Variants in CRPPA observed in about 807,000 individuals in gnomAD.
CRPPA encodes D-ribitol-5-phosphate cytidylyltransferase.
A neutral mutation model predicts 52.0 loss-of-function variants in CRPPA; 43 were observed. That is an observed-to-expected ratio of 0.83 (90% CI 0.65 to 1.07). The LOEUF (loss-of-function observed/expected upper bound fraction) is 1.07. Ranked by LOEUF, CRPPA falls within the 50% of genes least tolerant of loss-of-function variation. CRPPA has a pLI of 0.00. For synonymous variants in CRPPA, 250 were observed against 203.5 expected, an observed-to-expected ratio of 1.23 and a Z score of -1.94; for missense variants, 629 against 551.7, an observed-to-expected ratio of 1.14 and a Z score of -1.40.
intron 9 of CRPPA, among the ~76,000 whole-genome samples, chr7:16,190,630 C>T (rs540749473): frequency 7.2e-5 from 11 of 151,926 alleles, no homozygotes; most frequent in Admixed American, 6.6e-4. Flanking sequence ...AATTTTTTTT[C>T]AATAGATTTT....
At chr7:16,341,624 G>C (rs774345906) in intron 3 of CRPPA, among the ~76,000 whole-genome samples, 1 of 152,048 alleles carries the variant, frequency 6.6e-6, no homozygotes, top group Non-Finnish European at 1.5e-5. Flanking sequence ...ATATTAGGTG[G>C]GGAAATGCTA....
At chr7:16,107,682 AT>A (rs1782184663) in intron 9 of CRPPA, among the ~76,000 whole-genome samples, 1 of 152,136 alleles carries the variant, frequency 6.6e-6, no homozygotes, top group Non-Finnish European at 1.5e-5. Context: ...AGCAAAAAAA[AT>A]CAATTGTATA....
rs560282668 is a variant in CRPPA, at chr7:16,258,510, T to C, written c.1027-28A>G. ...AAAAGACCAGAAAAATAAAAGGATATGAGAAGACGTTTTTAAATGACTTAA... is the reference window on the plus strand; with the variant it reads ...AAAAGACCAGAAAAATAAAAGGATACGAGAAGACGTTTTTAAATGACTTAA... On this transcript the variant is annotated intron_variant, in intron 7 of 9. Transcript: ENST00000407010. 1.3e-5 allele frequency: 18 copies of C among 1,367,876 alleles called. No individual in the cohort carries two copies. The East Asian group carries it at 1.6e-4, about 13-fold the overall frequency. The allele number at this position is 1,367,876 out of a possible 1,614,324, so 84.7% of individuals were successfully genotyped here.
chr7:16,272,086 A>G (rs1182993386), intron 6 of CRPPA, among the ~76,000 whole-genome samples: 1 of 152,180 alleles, frequency 6.6e-6, no homozygotes, highest in Non-Finnish European at 1.5e-5. Context: ...ACCCTGATCT[A>G]TCTCTGGAGA....
chr7:16,180,526 T>A (rs1781390545), intron 9 of CRPPA, among the ~76,000 whole-genome samples: 1 of 152,112 alleles, frequency 6.6e-6, no homozygotes. Flanking sequence ...CATAAGTGGT[T>A]GCTAATTTCT....
intron 3 of CRPPA, among the ~76,000 whole-genome samples, chr7:16,339,808 G>A (rs1034773121): frequency 6.6e-6 from 1 of 152,062 alleles, no homozygotes; most frequent in African/African-American, 2.4e-5. Flanking sequence ...AAAAAGAACT[G>A]GAGTAAGCCA....
chr7:16,121,009 T>C (rs538506417), intron 9 of CRPPA, among the ~76,000 whole-genome samples: 3 of 152,032 alleles, frequency 2.0e-5, no homozygotes, highest in South Asian at 2.1e-4. Flanking sequence ...AAAATGTACA[T>C]AGAGAACAAA....
chr7:16,235,042 C>T (rs953038322), intron 8 of CRPPA, among the ~76,000 whole-genome samples: 1 of 151,970 alleles, frequency 6.6e-6, no homozygotes, highest in African/African-American at 2.4e-5. Flanking sequence ...AAGAGCCAGA[C>T]CAGGCCAAGG....
intron 9 of CRPPA, among the ~76,000 whole-genome samples, chr7:16,176,988 A>G (rs185566278): frequency 9.8e-5 from 15 of 152,288 alleles, no homozygotes; most frequent in Admixed American, 9.8e-4. Context: ...ACCTATTGAT[A>G]TACGCAGCAA....
intron 9 of CRPPA, among the ~76,000 whole-genome samples, chr7:16,097,767 T>C (rs1298722498): frequency 2.0e-5 from 3 of 152,130 alleles, no homozygotes; most frequent in Non-Finnish European, 4.4e-5. Flanking sequence ...TCACAGAAGA[T>C]TGGAAATGAC....
At chr7:16,301,332 G>GGC in intron 5 of CRPPA, 89 bp downstream of exon 5, 1 of 1,043,170 alleles carries the variant, frequency 9.6e-7, no homozygotes, top group Non-Finnish European at 1.5e-6. Context: ...CTGCTTTTGA[G>GGC]ATTGCTGGGA....
chr7:16,112,352 T>G (rs1307336237), intron 9 of CRPPA, among the ~76,000 whole-genome samples: 1 of 152,072 alleles, frequency 6.6e-6, no homozygotes, highest in Admixed American at 6.6e-5. Flanking sequence ...ACTTAAACCT[T>G]TTTTTAAGAA....
intron 9 of CRPPA, among the ~76,000 whole-genome samples, chr7:16,123,520 T>C (rs918031548): frequency 6.6e-6 from 1 of 152,188 alleles, no homozygotes; most frequent in Non-Finnish European, 1.5e-5. Context: ...AAGCCAAGGA[T>C]AGCTTTCAAA....
At chr7:16,113,652 G>T (rs1782311338) in intron 9 of CRPPA, among the ~76,000 whole-genome samples, 1 of 151,854 alleles carries the variant, frequency 6.6e-6, no homozygotes. Flanking sequence ...TTTTTAAAGT[G>T]CTAAAATCAA....
chr7:16,141,672 G>C (rs769620997), intron 9 of CRPPA, among the ~76,000 whole-genome samples: 1 of 151,186 alleles, frequency 6.6e-6, no homozygotes, highest in Non-Finnish European at 1.5e-5. Flanking sequence ...AACTGCATAA[G>C]ACAAACTCAA....
intron 6 of CRPPA, among the ~76,000 whole-genome samples, chr7:16,262,330 T>C (rs942868608): frequency 6.6e-6 from 1 of 152,202 alleles, no homozygotes; most frequent in African/African-American, 2.4e-5. Context: ...TTGACTTTTC[T>C]CCCCTCAGTT....
intron 3 of CRPPA, among the ~76,000 whole-genome samples, chr7:16,312,762 C>T (rs1785061096): frequency 6.6e-6 from 1 of 151,904 alleles, no homozygotes; most frequent in African/African-American, 2.4e-5. Context: ...ATCTCTATTT[C>T]TCGTTTTCTG....
chr7:16,377,333 G>C (rs1786918338), intron 2 of CRPPA, among the ~76,000 whole-genome samples: 2 of 152,184 alleles, frequency 1.3e-5, no homozygotes, highest in Non-Finnish European at 2.9e-5. Flanking sequence ...AACTGGTCAA[G>C]CCCAGTACCT....
At chr7:16,344,286 C>T (rs950779121) in intron 3 of CRPPA, among the ~76,000 whole-genome samples, 2 of 151,520 alleles carry the variant, frequency 1.3e-5, no homozygotes, top group Non-Finnish European at 2.9e-5. Flanking sequence ...ATAACGTGGG[C>T]CAGGTGTGAT....
Sources: gnomAD v4.1 joint callset for allele counts (sites outside exome capture counted in the v4.1 genomes callset) on GRCh38, gnomAD v4.1.1 for gene constraint, MANE v1.5 for transcripts, NCBI Gene and HGNC (gene_info 2026-07-23, HGNC 2026-07-21) for gene names.